Variants in EPHA7 observed in about 807,000 individuals in gnomAD.
The protein encoded by EPHA7 is ephrin type-A receptor 7.
Under a neutral mutation model 112.6 loss-of-function variants are expected in EPHA7, and 25 were observed. That is an observed-to-expected ratio of 0.22 (90% CI 0.16 to 0.31). The LOEUF is 0.31. EPHA7 is among the 10% of genes least tolerant of loss of function. The probability of loss-of-function intolerance (pLI) is 1.00; values close to 1 mark genes in which losing one functional copy is unlikely to be tolerated. For missense variants in EPHA7, 962 were observed against 1,212.6 expected (o/e 0.79, Z 3.07); for synonymous variants, 437 against 406.5 (o/e 1.07, Z -0.90).
At chr6:93,284,493 G>A (rs989729050) in intron 5 of EPHA7, among the ~76,000 whole-genome samples, 1 of 151,874 alleles carries the variant, frequency 6.6e-6, no homozygotes, top group Non-Finnish European at 1.5e-5. Flanking sequence ...AAATGAATGT[G>A]GCTTGAGACT....
chr6:93,284,236 T>C (rs1363188474), intron 5 of EPHA7, among the ~76,000 whole-genome samples: 1 of 152,208 alleles, frequency 6.6e-6, no homozygotes, highest in Non-Finnish European at 1.5e-5. Flanking sequence ...CCCATATATA[T>C]CAAACATAAA....
chr6:93,361,406 T>C (rs1776255249), intron 3 of EPHA7, among the ~76,000 whole-genome samples: 1 of 152,024 alleles, frequency 6.6e-6, no homozygotes, highest in African/African-American at 2.4e-5. Flanking sequence ...ATAATAACAG[T>C]GATCTACTGG....
rs2127994662 is a variant in EPHA7, at chr6:93,410,716, C to A, written c.617G>T (p.Trp206Leu). 6.2e-7 allele frequency: 1 copy of A among 1,614,036 alleles called. No homozygotes were observed. The highest frequency in any genetic ancestry group is 1.1e-5 in the South Asian group (1 of 91,078). ...GATAGCTAAGTTCTCAATAATGGAC[C>A]AGCACTTCTTGTAGTACACTTTGAC... ...VSVKVYYKKC[W>L]SIIENLAIFP... Residue 206 changes from tryptophan to leucine, a missense_variant, in exon 3 of 17, where the codon TGG (tryptophan) becomes TTG (leucine). Trp to Leu is a moderately conservative substitution (Grantham distance 61). This residue lies in a region of EPHA7 where 160 missense variants were observed against 263.6 expected (regional missense o/e 0.61). Transcript: ENST00000369303. This position sits in a 1 kb window ranked among gnomAD's most constrained non-coding sequence, Gnocchi z 4.0.
At chr6:93,418,615 G>A (rs1779365247) in intron 1 of EPHA7, among the ~76,000 whole-genome samples, 1 of 152,210 alleles carries the variant, frequency 6.6e-6, no homozygotes, top group African/African-American at 2.4e-5. Flanking sequence ...CTCGGGTCGC[G>A]CGCCGCACGC....
At chr6:93,354,410 C>G (rs1285757212) in intron 5 of EPHA7, among the ~76,000 whole-genome samples, 1 of 151,990 alleles carries the variant, frequency 6.6e-6, no homozygotes, top group Non-Finnish European at 1.5e-5. Context: ...TAATACAAAA[C>G]TGCAAACCTA....
chr6:93,415,642 T>C (rs1411813218), intron 1 of EPHA7, among the ~76,000 whole-genome samples: 5 of 152,098 alleles, frequency 3.3e-5, no homozygotes, highest in African/African-American at 1.2e-4. Context: ...CACTCACTCT[T>C]TTGGTCAAAC....
chr6:93,303,427 A>G (rs1161449604), intron 5 of EPHA7, among the ~76,000 whole-genome samples: 1 of 152,142 alleles, frequency 6.6e-6, no homozygotes, highest in African/African-American at 2.4e-5. Flanking sequence ...GTAGATAGAA[A>G]ATAAGGCAAA....
chr6:93,259,323 C>G (rs747850577), intron 10 of EPHA7, 31 bp downstream of exon 10: 1 of 1,608,672 alleles, frequency 6.2e-7, no homozygotes, highest in South Asian at 1.1e-5. Context: ...CTAAATGGAA[C>G]AGCTGAACGA....
intron 5 of EPHA7, among the ~76,000 whole-genome samples, chr6:93,305,932 C>T (rs1444889672): frequency 1.3e-5 from 2 of 151,726 alleles, no homozygotes; most frequent in African/African-American, 4.8e-5. Flanking sequence ...CCTAGAAACT[C>T]CTGGCTTTAA....
intron 3 of EPHA7, among the ~76,000 whole-genome samples, chr6:93,365,370 T>C (rs909260417): frequency 6.6e-6 from 1 of 152,238 alleles, no homozygotes; most frequent in Non-Finnish European, 1.5e-5. Flanking sequence ...TTATTGCAGA[T>C]GAATATTCAT....
chr6:93,387,430 C>A lies in EPHA7; in HGVS notation c.832+23071G>T, dbSNP rs113494904. On this transcript the variant is annotated intron_variant, in intron 3 of 16. Coordinates refer to ENST00000369303, the MANE Select transcript of EPHA7 (RefSeq NM_004440.4). ...CTCTAGGAAATTCCCAACTTTCCCA[C>A]ATCTTCCTGTCTTCTGAGCCCTCCA... 6.7e-3 allele frequency among the ~76,000 whole-genome samples: 1,020 copies of A among 152,274 alleles called. 5 individuals carry two copies. Among genetic ancestry groups the A allele is most frequent in the Non-Finnish European group, 0.011 (728 of 68,024 alleles).
chr6:93,261,241 A>G (rs1360405384), intron 9 of EPHA7, among the ~76,000 whole-genome samples: 1 of 151,604 alleles, frequency 6.6e-6, no homozygotes, highest in Admixed American at 6.6e-5. Flanking sequence ...TGGGGCCATG[A>G]AAAGTTGAGG....
intron 3 of EPHA7, among the ~76,000 whole-genome samples, chr6:93,407,128 C>T (rs1201029864): frequency 6.6e-6 from 1 of 151,886 alleles, no homozygotes; most frequent in African/African-American, 2.4e-5. Context: ...TGAAGAAAAG[C>T]TTTTACATCA....
chr6:93,286,976 A>G (rs1286381074), intron 5 of EPHA7, among the ~76,000 whole-genome samples: 2 of 152,184 alleles, frequency 1.3e-5, no homozygotes, highest in Non-Finnish European at 2.9e-5. Context: ...ATAACATTTA[A>G]TTTCTCTGTT....
chr6:93,329,548 T>C (rs2127899217), intron 5 of EPHA7, among the ~76,000 whole-genome samples: 1 of 151,412 alleles, frequency 6.6e-6, no homozygotes. Flanking sequence ...CCTGACATCT[T>C]TGATTTTTCA....
Position 93,405,545 on chromosome 6 carries a change from T to C in EPHA7, c.832+4956A>G, listed in dbSNP as rs79343592. ...TTTTATTATTAATGATAAGCATTCA[T>C]TGATTATTTGCTATGTCCCACATGC... On this transcript the variant is annotated intron_variant, in intron 3 of 16. Coordinates refer to ENST00000369303, the MANE Select transcript of EPHA7 (RefSeq NM_004440.4). Among the ~76,000 whole-genome samples, 28 of 151,646 alleles carry C rather than the reference T, an allele frequency of 1.8e-4. No individual in the cohort carries two copies. In the East Asian group the frequency reaches 4.3e-3, roughly 23 times the overall value.
At chr6:93,318,300 C>T (rs1336402876) in intron 5 of EPHA7, among the ~76,000 whole-genome samples, 2 of 151,966 alleles carry the variant, frequency 1.3e-5, no homozygotes, top group Non-Finnish European at 2.9e-5. Context: ...TGCATGTCTC[C>T]ATAACTTGCC....
At chr6:93,252,870 TG>T (rs781028402) in intron 14 of EPHA7, among the ~76,000 whole-genome samples, 18 of 152,040 alleles carry the variant, frequency 1.2e-4, no homozygotes, top group Admixed American at 2.6e-4. Flanking sequence ...GACATAATTA[TG>T]TCATTTGACT....
chr6:93,268,752 A>G (rs1404095334), intron 7 of EPHA7, among the ~76,000 whole-genome samples: 2 of 151,768 alleles, frequency 1.3e-5, no homozygotes, highest in Admixed American at 6.6e-5. Context: ...CTTCTTATAC[A>G]CTATATATAC....
Sources: allele counts gnomAD v4.1 joint callset (sites outside exome capture counted in the v4.1 genomes callset), GRCh38; gene constraint gnomAD v4.1.1; regional missense constraint gnomAD v4.1.1; non-coding constraint Gnocchi (gnomAD v3.1); transcripts MANE v1.5; gene names NCBI Gene and HGNC (gene_info 2026-07-23, HGNC 2026-07-21).